NSMCE1: variants seen among roughly 807,000 people sequenced by gnomAD.
NSMCE1 encodes the protein non-structural maintenance of chromosomes element 1 homolog.
NSMCE1 carries 18 observed loss-of-function variants against 29.6 expected under a neutral mutation model. That is an observed-to-expected ratio of 0.61 (90% CI 0.42 to 0.90). NSMCE1 has a LOEUF of 0.90. Among genes scored for constraint, NSMCE1 ranks in the 40% least tolerant of loss-of-function variants. NSMCE1 has a pLI of 0.00. For missense variants in NSMCE1, 314 were observed against 343.6 expected (o/e 0.91, Z 0.68); for synonymous variants, 124 against 133.4 (o/e 0.93, Z 0.49).
intron 1 of NSMCE1, chr16:27,258,212 TCTC>T (rs1217944481): frequency 1.3e-5 from 2 of 152,196 alleles, no homozygotes; most frequent in African/African-American, 2.4e-5. Flanking sequence ...ATTTTCGAAA[TCTC>T]CTGCTCACTA....
intron 5 of NSMCE1, 65 bp from the exon 6 acceptor site, chr16:27,226,901 C>T: frequency 1.0e-6 from 1 of 994,530 alleles, no homozygotes; most frequent in Non-Finnish European, 1.6e-6. Flanking sequence ...CACCTCTCTT[C>T]CCTCTGTGAT....
intron 2 of NSMCE1, among the ~76,000 whole-genome samples, chr16:27,242,454 A>G (rs1441357981): frequency 6.6e-6 from 1 of 152,204 alleles, no homozygotes; most frequent in Non-Finnish European, 1.5e-5. Flanking sequence ...ACAGAGCATA[A>G]AACTTATTTC....
intron 2 of NSMCE1, among the ~76,000 whole-genome samples, chr16:27,246,031 A>C (rs894458682): frequency 1.3e-5 from 2 of 152,252 alleles, no homozygotes; most frequent in Admixed American, 1.3e-4. Context: ...GATGATGTAC[A>C]GGAGTCCAGC....
At chr16:27,230,290 A>G (rs1398617138) in intron 5 of NSMCE1, among the ~76,000 whole-genome samples, 2 of 152,182 alleles carry the variant, frequency 1.3e-5, no homozygotes, top group Non-Finnish European at 2.9e-5. Flanking sequence ...ACCCACCTGG[A>G]AGGGCCTTGT....
rs763994538 is a variant in NSMCE1 at position 27,225,260 on chromosome 16, GAC to G, written c.722-26_722-25del. The G allele has an allele frequency of 6.1e-6, 9 of 1,466,784 alleles. No homozygotes were observed. In the Admixed American group the frequency reaches 8.8e-5, roughly 14 times the overall value. 90.9% of individuals were successfully genotyped at this position (1,466,784 alleles called of 1,614,324 possible). A position where few individuals can be genotyped will look rare whatever the true frequency, so the allele number is the denominator to read the frequency against. On this transcript the variant is annotated intron_variant, in intron 7 of 7. Coordinates refer to ENST00000361439, the MANE Select transcript of NSMCE1 (RefSeq NM_145080.4). ...TTCTGTAGACAGAAAAGGCAGGAAAGACACAGTGAATGGAGGGGCTGGCAGCA... is the reference window on the plus strand; with the variant it reads ...TTCTGTAGACAGAAAAGGCAGGAAAGACAGTGAATGGAGGGGCTGGCAGCA...
chr16:27,246,389 A>T (rs796671413), intron 2 of NSMCE1, among the ~76,000 whole-genome samples: 11 of 152,380 alleles, frequency 7.2e-5, no homozygotes, highest in African/African-American at 2.6e-4. Context: ...CTAAAATGTT[A>T]GTGCTGGAGA....
At chr16:27,261,162 G>A (rs779892712) in intron 1 of NSMCE1, among the ~76,000 whole-genome samples, 3 of 87,106 alleles carry the variant, frequency 3.4e-5, no homozygotes, top group Non-Finnish European at 6.2e-5. Context: ...GCAAGACTCC[G>A]TCTCAAAAAA....
chr16:27,235,405 C>T (rs2140991854), intron 2 of NSMCE1, 106 bp from the exon 3 acceptor site: 1 of 1,285,272 alleles, frequency 7.8e-7, no homozygotes, highest in Non-Finnish European at 1.1e-6. Context: ...GGACAGCAAC[C>T]CCAGACATGG....
At chr16:27,265,480 T>G (rs554741553) in intron 1 of NSMCE1, among the ~76,000 whole-genome samples, 3 of 152,296 alleles carry the variant, frequency 2.0e-5, no homozygotes, top group African/African-American at 7.2e-5. Context: ...GTATAAATTA[T>G]TGTAACCATT....
chr16:27,246,783 C>G (rs2083962756), intron 2 of NSMCE1, among the ~76,000 whole-genome samples: 1 of 152,212 alleles, frequency 6.6e-6, no homozygotes, highest in African/African-American at 2.4e-5. Context: ...AGCTACTGCA[C>G]CGGGCCAAGA....
At chr16:27,253,886 G>C (rs1567282369) in intron 2 of NSMCE1, among the ~76,000 whole-genome samples, 2 of 152,178 alleles carry the variant, frequency 1.3e-5, no homozygotes, top group Non-Finnish European at 2.9e-5. Context: ...CACTGAACTT[G>C]AGAACAAAAT....
At chr16:27,243,689 C>T (rs1225743319) in intron 2 of NSMCE1, among the ~76,000 whole-genome samples, 1 of 152,222 alleles carries the variant, frequency 6.6e-6, no homozygotes, top group Non-Finnish European at 1.5e-5. Context: ...CTCGCTCTGT[C>T]ATCTAGGCTG....
chr16:27,258,820 G>A (rs1322963394), intron 1 of NSMCE1, among the ~76,000 whole-genome samples: 2 of 151,352 alleles, frequency 1.3e-5, no homozygotes, highest in South Asian at 2.1e-4. Context: ...GCGTGATCTC[G>A]GCTCACTACA....
chr16:27,231,812 G>A lies in NSMCE1; in HGVS notation c.483+1189C>T, dbSNP rs1037715568. On this transcript the variant is annotated intron_variant, in intron 5 of 7. Transcript: ENST00000361439. ...GTCCCCAAACCGGGGCCTGAACTCG[G>A]CCCTGCCACTCTCAGGGTGTCCGAC... Among the ~76,000 whole-genome samples the A allele has an allele frequency of 2.0e-5, 3 of 152,208 alleles. No homozygotes were observed. The East Asian group carries it at 5.8e-4, about 29-fold the overall frequency.
chr16:27,226,026 G>T, intron 6 of NSMCE1, 180 bp from the exon 7 acceptor site: 1 of 670,756 alleles, frequency 1.5e-6, no homozygotes, highest in Non-Finnish European at 2.4e-6. Flanking sequence ...TTTGCTTGCT[G>T]CTTGTTGCGG....
chr16:27,260,860 A>C (rs74575790), intron 1 of NSMCE1, among the ~76,000 whole-genome samples: 1 of 129,324 alleles, frequency 7.7e-6, no homozygotes, highest in Non-Finnish European at 1.6e-5. Flanking sequence ...CCCTGTCTCA[A>C]AAAAAAAAAA....
At chr16:27,238,892 T>C (rs566763850) in intron 2 of NSMCE1, among the ~76,000 whole-genome samples, 18 of 150,436 alleles carry the variant, frequency 1.2e-4, no homozygotes, top group Non-Finnish European at 2.1e-4. Context: ...TTTTTTGAGA[T>C]GGAGTGTCAC....
intron 5 of NSMCE1, among the ~76,000 whole-genome samples, chr16:27,228,428 G>A (rs1457451061): frequency 3.3e-5 from 5 of 152,134 alleles, no homozygotes; most frequent in African/African-American, 9.6e-5. Context: ...TCCTATGGCT[G>A]TTACCTTCCC....
intron 2 of NSMCE1, among the ~76,000 whole-genome samples, chr16:27,235,550 C>T (rs1028310502): frequency 9.2e-5 from 14 of 152,272 alleles, no homozygotes; most frequent in East Asian, 3.9e-4. Context: ...TCTGCAACCA[C>T]GGAGGCTGCC....
Sources: allele counts gnomAD v4.1 joint callset (sites outside exome capture counted in the v4.1 genomes callset), GRCh38; gene constraint gnomAD v4.1.1; transcripts MANE v1.5; gene names NCBI Gene and HGNC (gene_info 2026-07-23, HGNC 2026-07-21).